Variants in AKAP7 observed in about 807,000 individuals in gnomAD.
The protein encoded by AKAP7 is A kinase (PRKA) anchor protein 7.
AKAP7 carries 39 observed loss-of-function variants against 39.5 expected under a neutral mutation model. The ratio of observed to expected loss-of-function variants is 0.99; its 90% CI spans 0.76 to 1.29. The LOEUF is 1.29. Among genes scored for constraint, AKAP7 ranks in the 50% most tolerant of loss-of-function variants. The pLI is 0.00. For synonymous variants in AKAP7, 140 were observed against 139.1 expected, an observed-to-expected ratio of 1.01 and a Z score of -0.05; for missense variants, 414 against 407.7, an observed-to-expected ratio of 1.02 and a Z score of -0.13.
chr6:131,247,295 A>T (rs1312381640), intron 7 of AKAP7, among the ~76,000 whole-genome samples: 5 of 91,856 alleles, frequency 5.4e-5, no homozygotes, highest in African/African-American at 1.4e-4. Context: ...ATATATATAT[A>T]TATATATATA....
chr6:131,126,688 C>T, the AKAP7 span, among the ~76,000 whole-genome samples: 4 of 152,280 alleles, frequency 2.6e-5, no homozygotes, highest in East Asian at 5.8e-4. Context: ...ATTAAATGCT[C>T]GTGGCGTGAA....
rs1411090828 is a variant in AKAP7, at chr6:131,169,174, T to A, written c.490T>A (p.Leu164Met). The A allele has an allele frequency of 2.5e-6, 4 of 1,613,882 alleles. No individual in the cohort carries two copies. In the South Asian group the frequency reaches 3.3e-5, roughly 13 times the overall value. ...FIEELLQGKH[L>M]TLPFQGIGTF... ...AGAAGAACTCCTCCAGGGAAAACAT[T>A]TGACTTTGCCCTTTCAAGGGATTGG... The change falls in exon 5 of 8, where the codon TTG (leucine) becomes ATG (methionine). Residue 164 changes from leucine (L) to methionine (M), a missense_variant. Leu to Met is a conservative substitution (Grantham distance 15). Coordinates refer to ENST00000431975, the MANE Select transcript of AKAP7 (RefSeq NM_016377.4).
chr6:131,138,688 C>T (rs1800780058), intron 1 of AKAP7, among the ~76,000 whole-genome samples: 1 of 152,188 alleles, frequency 6.6e-6, no homozygotes, highest in African/African-American at 2.4e-5. Flanking sequence ...AGTTCCAGCC[C>T]CAAGACCCAC....
intron 7 of AKAP7, 110 bp downstream of exon 7, chr6:131,219,918 A>G: frequency 4.1e-6 from 3 of 730,510 alleles, no homozygotes; most frequent in South Asian, 6.6e-5. Flanking sequence ...TCAATGATAT[A>G]CTTTCCTAAA....
intron 2 of AKAP7, 30 bp from the exon 3 acceptor site, chr6:131,160,029 T>A: frequency 6.5e-7 from 1 of 1,550,150 alleles, no homozygotes; most frequent in Non-Finnish European, 8.7e-7. Context: ...TTAAATGTAT[T>A]AGACGTATTG....
chr6:131,207,491 A>AATTTTTTTTTTTTTTTTT (rs1808223874), intron 6 of AKAP7, among the ~76,000 whole-genome samples: 1 of 78,806 alleles, frequency 1.3e-5, no homozygotes. Flanking sequence ...GCTAATTAAA[A>AATTTTTTTTTTTTTTTTT]TTTTTTTTTT....
At chr6:131,159,713 TGTG>T (rs1296535723) in intron 2 of AKAP7, among the ~76,000 whole-genome samples, 1 of 152,254 alleles carries the variant, frequency 6.6e-6, no homozygotes, top group Non-Finnish European at 1.5e-5. Flanking sequence ...TTATGAACAT[TGTG>T]GTGCCGGGAG....
chr6:131,172,937 C>T (rs560180667), intron 5 of AKAP7, among the ~76,000 whole-genome samples: 3 of 152,164 alleles, frequency 2.0e-5, no homozygotes, highest in South Asian at 2.1e-4. Context: ...CGGCTCATGC[C>T]AGTAATCCCA....
Position 131,283,130 on chromosome 6 carries a change from T to G in AKAP7, c.*1404T>G, listed in dbSNP as rs1004335971. 7 of 152,838 alleles carry G rather than the reference T, an allele frequency of 4.6e-5. No individual in the cohort carries two copies. The highest frequency in any genetic ancestry group is 7.2e-5 in the African/African-American group (3 of 41,452). 9.5% of individuals were successfully genotyped at this position (152,838 alleles called of 1,614,324 possible). On this transcript the variant is annotated 3_prime_UTR_variant, in exon 8 of 8. Coordinates refer to ENST00000431975, the MANE Select transcript of AKAP7 (RefSeq NM_016377.4). ...TCACTGGTTAAGAATGTTTTATATA[T>G]CCTTATAATATTTTTCACTGATCAA... is the stretch of plus-strand genomic sequence containing the variant.
intron 7 of AKAP7, among the ~76,000 whole-genome samples, chr6:131,260,343 T>A (rs901754335): frequency 6.6e-6 from 1 of 152,180 alleles, no homozygotes; most frequent in Non-Finnish European, 1.5e-5. Context: ...CTGGGTCAAA[T>A]GGTATTTCTG....
chr6:131,160,607 T>C (rs1480946905), intron 3 of AKAP7, among the ~76,000 whole-genome samples: 1 of 152,234 alleles, frequency 6.6e-6, no homozygotes, highest in Non-Finnish European at 1.5e-5. Context: ...TTGTTCATTT[T>C]ATCTGAGGGA....
the AKAP7 span, among the ~76,000 whole-genome samples, chr6:131,128,065 A>C: frequency 6.6e-6 from 1 of 152,230 alleles, no homozygotes; most frequent in African/African-American, 2.4e-5. Flanking sequence ...CGGAAAAAGT[A>C]ACTAGCCTCC....
At chr6:131,135,248 C>T (rs1562852158), upstream of AKAP7, among the ~76,000 whole-genome samples, 1 of 152,350 alleles carries the variant, frequency 6.6e-6, no homozygotes, top group East Asian at 1.9e-4. Flanking sequence ...GTGGGAGGGG[C>T]AAGGCTGCGC....
At position 131,171,823 on chromosome 6, in the gene AKAP7, T is replaced by C. The variant is rs556020939; in HGVS notation, c.589+2550T>C. Among the ~76,000 whole-genome samples the C allele has an allele frequency of 7.2e-5, 11 of 152,286 alleles. No individual in the cohort carries two copies. In the East Asian group the frequency reaches 2.1e-3, roughly 29 times the overall value. ...TGGTAAAAAGACAAAGGAGCCAGAC[T>C]GTCAAGAGAGTGGTAGAATGTTTGA... is the stretch of plus-strand genomic sequence containing the variant. On this transcript the variant is annotated intron_variant, in intron 5 of 7. Coordinates refer to ENST00000431975, the MANE Select transcript of AKAP7 (RefSeq NM_016377.4).
chr6:131,243,834 C>T (rs1811796898), intron 7 of AKAP7, among the ~76,000 whole-genome samples: 1 of 151,870 alleles, frequency 6.6e-6, no homozygotes. Context: ...CTCATTGGGC[C>T]CTGTTGGTGT....
chr6:131,164,930 G>C (rs531487375), intron 3 of AKAP7, 151 bp from the exon 4 acceptor site: 5 of 601,230 alleles, frequency 8.3e-6, no homozygotes, highest in African/African-American at 7.5e-5. Context: ...AGAACAAGTA[G>C]ACAATTAAGC....
chr6:131,160,200 T>G lies in AKAP7; in HGVS notation c.291+2T>G, dbSNP rs1271543214. 1 of 1,595,496 alleles carries G rather than the reference T, an allele frequency of 6.3e-7. No homozygotes were observed. The highest frequency in any genetic ancestry group is 8.5e-7 in the Non-Finnish European group (1 of 1,176,030). On this transcript the variant is annotated splice_donor_variant, in intron 3 of 7. Transcript: ENST00000431975. LOFTEE classifies it high-confidence loss of function. ...TCCATTCCAATCACCAACAAAGAGG[T>G]GCTATTTTTAAAAAGTTATTTTTAC... is the stretch of plus-strand genomic sequence containing the variant.
At chr6:131,254,608 C>A (rs1194418308) in intron 7 of AKAP7, among the ~76,000 whole-genome samples, 2 of 152,178 alleles carry the variant, frequency 1.3e-5, no homozygotes, top group Non-Finnish European at 2.9e-5. Context: ...ATGAACTGAC[C>A]TACCTCATGA....
rs528425840 is a variant in AKAP7 at position 131,138,073 on chromosome 6, A to G, written c.19+2291A>G. ...TTTCCCTATTTTTTTCATTGTTTCT[A>G]TTTCATTGTACCCAGTCACCATCCA... is the stretch of plus-strand genomic sequence containing the variant. On this transcript the variant is annotated intron_variant, in intron 1 of 7. Transcript: ENST00000431975. Among the ~76,000 whole-genome samples, 3 of 151,778 alleles carry G rather than the reference A, an allele frequency of 2.0e-5. No homozygotes were observed. The South Asian group carries it at 6.3e-4, about 32-fold the overall frequency.
Sources: allele counts gnomAD v4.1 joint callset (sites outside exome capture counted in the v4.1 genomes callset), GRCh38; gene constraint gnomAD v4.1.1; transcripts MANE v1.5; gene names NCBI Gene and HGNC (gene_info 2026-07-23, HGNC 2026-07-21).